EPHA3: variants seen among roughly 807,000 people sequenced by gnomAD.
EPHA3 encodes the protein ephrin type-A receptor 3.
Under a neutral mutation model 107.1 loss-of-function variants are expected in EPHA3, and 42 were observed. The observed-to-expected ratio is 0.39, with a 90% CI of 0.31 to 0.51. EPHA3 has a LOEUF of 0.51. EPHA3 is among the 20% of genes least tolerant of loss of function. EPHA3 has a pLI of 0.78. For missense variants in EPHA3, 1,183 were observed against 1,211.2 expected (o/e 0.98, Z 0.35); for synonymous variants, 461 against 424.8 (o/e 1.09, Z -1.05).
Position 89,196,009 on chromosome 3 carries a change from A to T in EPHA3, c.154-13851A>T, listed in dbSNP as rs111982732. The stretch of plus-strand genomic sequence containing the variant: ...CTGCTCAGATCCCAGGATTGGGCTA[A>T]ACTCTTCAACCCTTCCCCTTCCTCC... On this transcript the variant is annotated intron_variant, in intron 2 of 16. Transcript: ENST00000336596. 3.3e-3 allele frequency among the ~76,000 whole-genome samples: 509 copies of T among 152,162 alleles called. 2 individuals carry two copies. The highest frequency in any genetic ancestry group is 0.01 in the Middle Eastern group (3 of 294).
At chr3:89,435,782 G>A (rs1251357033) in intron 13 of EPHA3, among the ~76,000 whole-genome samples, 4 of 150,052 alleles carry the variant, frequency 2.7e-5, no homozygotes, top group Non-Finnish European at 3.0e-5. Context: ...GTGAAACCCC[G>A]TGTCTACTAA....
intron 5 of EPHA3, among the ~76,000 whole-genome samples, chr3:89,376,244 C>G (rs556677347): frequency 6.6e-5 from 10 of 151,326 alleles, no homozygotes; most frequent in Non-Finnish European, 7.4e-5. Flanking sequence ...CAAACAATTC[C>G]AGAATTTTTT....
intron 3 of EPHA3, among the ~76,000 whole-genome samples, chr3:89,244,622 A>G (rs1183140787): frequency 6.6e-6 from 1 of 152,212 alleles, no homozygotes; most frequent in Non-Finnish European, 1.5e-5. Context: ...ATGAGAAAAG[A>G]AGTATTATAG....
intron 2 of EPHA3, among the ~76,000 whole-genome samples, chr3:89,192,468 A>G (rs990383086): frequency 6.6e-6 from 1 of 151,964 alleles, no homozygotes; most frequent in Non-Finnish European, 1.5e-5. Flanking sequence ...TATATACTAC[A>G]TACACTAAGA....
intron 9 of EPHA3, among the ~76,000 whole-genome samples, chr3:89,410,525 C>A (rs983830121): frequency 1.3e-5 from 2 of 151,870 alleles, no homozygotes; most frequent in African/African-American, 4.8e-5. Flanking sequence ...TAATTATGTA[C>A]AAAACAGTTC....
chr3:89,306,598 A>T (rs956808), intron 3 of EPHA3, among the ~76,000 whole-genome samples: 2 of 152,210 alleles, frequency 1.3e-5, no homozygotes. Flanking sequence ...AATGGGCTGT[A>T]CAATGGCAGT....
At chr3:89,209,697 A>C (rs1211964349) in intron 2 of EPHA3, among the ~76,000 whole-genome samples, 163 bp from the exon 3 acceptor site, 1 of 152,190 alleles carries the variant, frequency 6.6e-6, no homozygotes, top group East Asian at 1.9e-4. Flanking sequence ...AAATTACTTT[A>C]TGTCCATTAA....
chr3:89,449,469 A>G (rs1028011), intron 14 of EPHA3, 95 bp downstream of exon 14: 1,076,140 of 1,184,240 alleles, frequency 0.91, 489,717 homozygotes, highest in African/African-American at 0.98. Flanking sequence ...CTCCTGGTTT[A>G]TAACACTGAA....
chr3:89,332,067 C>T (rs1336437359), intron 3 of EPHA3, among the ~76,000 whole-genome samples: 1 of 152,100 alleles, frequency 6.6e-6, no homozygotes, highest in Non-Finnish European at 1.5e-5. Flanking sequence ...ACTTTCTATC[C>T]CATTCTCGCT....
chr3:89,476,094 A>T (rs1480303646), intron 16 of EPHA3, among the ~76,000 whole-genome samples: 1 of 148,224 alleles, frequency 6.7e-6, no homozygotes, highest in East Asian at 1.9e-4. Flanking sequence ...TAAAACATTT[A>T]TATGTAGTAT....
chr3:89,362,950 A>T lies in EPHA3; in HGVS notation c.1306+20860A>T, dbSNP rs1176716980. Reference sequence around the variant, plus strand: ...CTTTCCTCCTAGAGTTTTACTAAAGAAGATTTATGCAAACCCAAACTGTGA... The same window carrying T: ...CTTTCCTCCTAGAGTTTTACTAAAGTAGATTTATGCAAACCCAAACTGTGA... On this transcript the variant is annotated intron_variant, in intron 5 of 16. Coordinates refer to ENST00000336596, the MANE Select transcript of EPHA3 (RefSeq NM_005233.6). Among the ~76,000 whole-genome samples, 53 of 151,010 alleles carry T rather than the reference A, an allele frequency of 3.5e-4. No homozygotes were observed. The Admixed American group carries it at 3.5e-3, about 10-fold the overall frequency.
In EPHA3 at chr3:89,357,106, CAAAAAAA is replaced by C. The variant is rs56717904; in HGVS notation, c.1306+15040_1306+15046del. Among the ~76,000 whole-genome samples, 3 of 15,978 alleles carry C rather than the reference CAAAAAAA, an allele frequency of 1.9e-4. 1 individual carries two copies. The highest frequency in any genetic ancestry group is 6.4e-4 in the African/African-American group (3 of 4,696). 10.5% of individuals were successfully genotyped at this position (15,978 alleles called of 152,430 possible). A position where few individuals can be genotyped will look rare whatever the true frequency, so the allele number is the denominator to read the frequency against. ...CTGGTGAAAGAGTGAGACCCTGTCT[CAAAAAAA>C]AAAAAAAAAAAAAAAAAAAAAAAGC... On this transcript the variant is annotated intron_variant, in intron 5 of 16. Coordinates refer to ENST00000336596, the MANE Select transcript of EPHA3 (RefSeq NM_005233.6).
intron 16 of EPHA3, among the ~76,000 whole-genome samples, chr3:89,475,280 A>G (rs568757062): frequency 6.6e-6 from 1 of 152,254 alleles, no homozygotes; most frequent in Admixed American, 6.5e-5. Context: ...TTTGAATTTG[A>G]TTGCTTTCAG....
chr3:89,459,490 T>C (rs868630422), intron 15 of EPHA3, among the ~76,000 whole-genome samples: 31 of 103,034 alleles, frequency 3.0e-4, no homozygotes, highest in African/African-American at 1.2e-3. Flanking sequence ...TCCTTCCTTC[T>C]CTCCTTCCTT....
chr3:89,239,076 C>T (rs556042851), intron 3 of EPHA3, among the ~76,000 whole-genome samples: 1 of 152,222 alleles, frequency 6.6e-6, no homozygotes, highest in South Asian at 2.1e-4. Context: ...ACACAGTATG[C>T]GAGAGTGATT....
chr3:89,219,092 A>T (rs1009851330), intron 3 of EPHA3, among the ~76,000 whole-genome samples: 25 of 152,330 alleles, frequency 1.6e-4, no homozygotes, highest in African/African-American at 5.8e-4. Flanking sequence ...AGTGTCATCA[A>T]AGAGTTAAAG....
intron 3 of EPHA3, among the ~76,000 whole-genome samples, chr3:89,282,460 C>T (rs1559631311): frequency 6.6e-6 from 1 of 151,982 alleles, no homozygotes; most frequent in Non-Finnish European, 1.5e-5. Context: ...ATATACTTTT[C>T]ATTTGGGAGT....
intron 3 of EPHA3, among the ~76,000 whole-genome samples, chr3:89,220,836 C>T (rs1279315403): frequency 3.3e-5 from 5 of 152,168 alleles, no homozygotes; most frequent in Non-Finnish European, 7.3e-5. Context: ...GGTCCTTTGA[C>T]AATTAGAGTG....
At chr3:89,476,180 T>G (rs1250842953) in intron 16 of EPHA3, among the ~76,000 whole-genome samples, 1 of 146,624 alleles carries the variant, frequency 6.8e-6, no homozygotes, top group Admixed American at 6.8e-5. Flanking sequence ...AGATAACATA[T>G]ATAAACATGT....
Sources: allele counts gnomAD v4.1 joint callset (sites outside exome capture counted in the v4.1 genomes callset), GRCh38; gene constraint gnomAD v4.1.1; transcripts MANE v1.5; gene names NCBI Gene and HGNC (gene_info 2026-07-23, HGNC 2026-07-21).